KCNT1: variants seen among roughly 807,000 people sequenced by gnomAD.
KCNT1 encodes the protein potassium channel subfamily T member 1.
KCNT1 carries 78 observed loss-of-function variants against 147.8 expected under a neutral mutation model. The observed-to-expected ratio is 0.53, with a 90% CI of 0.44 to 0.64. KCNT1 has a LOEUF of 0.64. KCNT1 is among the 30% of genes least tolerant of loss of function. The pLI is 0.00. For missense variants in KCNT1, 1,419 were observed against 1,750.3 expected (o/e 0.81, Z 3.38); for synonymous variants, 867 against 748.8 (o/e 1.16, Z -2.58).
intron 11 of KCNT1, among the ~76,000 whole-genome samples, chr9:135,761,094 C>G (rs1213717098): frequency 6.6e-6 from 1 of 152,028 alleles, no homozygotes; most frequent in Non-Finnish European, 1.5e-5. Flanking sequence ...CCTCGAACTC[C>G]TGGGCTCAAG....
intron 12 of KCNT1, 132 bp downstream of exon 12, chr9:135,765,327 C>A: frequency 1.2e-6 from 1 of 829,230 alleles, no homozygotes; most frequent in Non-Finnish European, 1.9e-6. Context: ...AGGGCAGATG[C>A]CTCCCTCCCG....
chr9:135,771,524 C>T (rs1031086481), intron 18 of KCNT1, among the ~76,000 whole-genome samples: 2 of 152,242 alleles, frequency 1.3e-5, no homozygotes, highest in East Asian at 1.9e-4. Flanking sequence ...GCAGCTCAAC[C>T]GGAGGCTCCT....
chr9:135,731,960 G>GGATA (rs1554766096), intron 2 of KCNT1, among the ~76,000 whole-genome samples: 17 of 41,420 alleles, frequency 4.1e-4, no homozygotes, highest in African/African-American at 1.4e-3. Flanking sequence ...AAATATGCGT[G>GGATA]TATATATATA....
intron 14 of KCNT1, 34 bp from the exon 15 acceptor site, chr9:135,768,795 C>T: frequency 1.3e-6 from 2 of 1,576,474 alleles, no homozygotes; most frequent in Non-Finnish European, 1.7e-6. Flanking sequence ...CAGAGGCCAG[C>T]CCGTCTGCAC....
chr9:135,765,142 A>G lies in KCNT1; in HGVS notation c.1147A>G (p.Ile383Val), dbSNP rs897661213. 1.9e-6 allele frequency: 3 copies of G among 1,613,262 alleles called. No individual in the cohort carries two copies. The highest frequency in any genetic ancestry group is 2.5e-6 in the Non-Finnish European group (3 of 1,179,898). ...GGTCCTGTGTGTCAGCTCCCTCAAG[A>G]TCGACCTTCTCATGGACTTCCTGAA... The part of the protein sequence containing the change: ...HVVLCVSSLK[I>V]DLLMDFLNEF... The change falls in exon 12 of 31, where the codon ATC becomes GTC. Residue 383 changes from isoleucine to valine, a missense_variant. Ile to Val is a conservative substitution (Grantham distance 29). Around this residue, in one of 5 missense-constraint regions of KCNT1, gnomAD observed 401 missense variants for 610.6 expected, o/e 0.66. Coordinates refer to ENST00000371757, the MANE Select transcript of KCNT1 (RefSeq NM_020822.3).
At position 135,765,039 on chromosome 9, in the gene KCNT1, G is replaced by A. The variant is rs1832160804; in HGVS notation, c.1044G>A (p.Glu348=). Residue 348 remains glutamate, a synonymous_variant, in exon 12 of 31, where the codon GAG becomes GAA. Coordinates refer to ENST00000371757, the MANE Select transcript of KCNT1 (RefSeq NM_020822.3). ...ALVVLPLQFE[E]LVYLWMERQK... is the part of the protein sequence containing the mutation. ...CTGTTTCTCACCTGCAGTTCGAGGA[G>A]CTCGTCTACCTCTGGATGGAGCGGC... is the stretch of plus-strand genomic sequence containing the variant. The A allele has an allele frequency of 6.2e-7, 1 of 1,606,618 alleles. No individual in the cohort carries two copies. The highest frequency in any genetic ancestry group is 2.2e-5 in the East Asian group (1 of 44,688).
rs572962121 is a variant in KCNT1 at position 135,791,469 on chromosome 9, AGGTGTGCGCT to A, written c.3503-321_3503-312del. 5.5e-4 allele frequency: 175 copies of A among 318,446 alleles called. 1 individual carries two copies. The highest frequency in any genetic ancestry group is 2.0e-3 in the South Asian group (48 of 23,782). The allele number at this position is 318,446 out of a possible 1,614,324, so 19.7% of individuals were successfully genotyped here. On this transcript the variant is annotated intron_variant, in intron 29 of 30. Coordinates refer to ENST00000371757, the MANE Select transcript of KCNT1 (RefSeq NM_020822.3). ...GTGTCTGCAGGCTGACGTACGTGGCAGGTGTGCGCTGGTGTGTGCAGGTGTGCTCAGTGCC... is the reference window on the plus strand; with the variant it reads ...GTGTCTGCAGGCTGACGTACGTGGCAGGTGTGTGCAGGTGTGCTCAGTGCC...
chr9:135,770,902 C>T lies in KCNT1; in HGVS notation c.1815C>T (p.Ser605=), dbSNP rs113201678. 3.1e-6 allele frequency: 5 copies of T among 1,603,506 alleles called. No individual in the cohort carries two copies. Among genetic ancestry groups the T allele is most frequent in the East Asian group, 2.2e-5 (1 of 44,472 alleles). ...LIGLKREDNK[S]ILLNPGPRHI... ...GGCTGAAGCGGGAGGACAACAAGAG[C>T]ATCCTGCTGAACCCGGGGCCCCGGC... The change falls in exon 18 of 31, where the codon AGC becomes AGT. Residue 605 remains serine, a synonymous_variant. Coordinates refer to ENST00000371757, the MANE Select transcript of KCNT1 (RefSeq NM_020822.3).
chr9:135,794,357 G>C lies in KCNT1; in HGVS notation c.*2196G>C, dbSNP rs1221192440. 6.6e-6 allele frequency: 1 copy of C among 152,524 alleles called. No individual in the cohort carries two copies. Among genetic ancestry groups the C allele is most frequent in the African/African-American group, 2.4e-5 (1 of 41,598 alleles). 9.4% of individuals were successfully genotyped at this position (152,524 alleles called of 1,614,324 possible). On this transcript the variant is annotated 3_prime_UTR_variant, in exon 31 of 31. Coordinates refer to ENST00000371757, the MANE Select transcript of KCNT1 (RefSeq NM_020822.3). ...AGAGGGCTGAAGGCTTGCTGCCCAA[G>C]AGGGGCTGGGTGAGCACTTGGGGCC...
rs143780942 is a variant in KCNT1 at position 135,784,592 on chromosome 9, A to G, written c.3001A>G (p.Thr1001Ala). Residue 1001 changes from threonine (T) to alanine (A), a missense_variant, in exon 26 of 31, where the codon ACG becomes GCG. Thr to Ala is a moderately conservative substitution (Grantham distance 58). Around this residue, in one of 5 missense-constraint regions of KCNT1, gnomAD observed 247 missense variants for 397.1 expected, o/e 0.62. Transcript: ENST00000371757. ...ITRLLLGLDT[T>A]PGSGYLCAMK... Reference sequence around the variant, plus strand: ...CCGGCTGCTGCTGGGCCTGGACACCACGCCGGGCTCGGGGTACCTCTGTGC... The same window carrying G: ...CCGGCTGCTGCTGGGCCTGGACACCGCGCCGGGCTCGGGGTACCTCTGTGC... 330 of 1,573,766 alleles carry G rather than the reference A, an allele frequency of 2.1e-4. No homozygotes were observed. The highest frequency in any genetic ancestry group is 1.9e-4 in the Non-Finnish European group (224 of 1,158,818).
intron 26 of KCNT1, 31 bp from the exon 27 acceptor site, chr9:135,784,730 C>T (rs750741195): frequency 1.2e-6 from 2 of 1,610,352 alleles, no homozygotes; most frequent in Non-Finnish European, 1.7e-6. Context: ...CTGCCACCTG[C>T]CCCAGCCAAC....
intron 24 of KCNT1, among the ~76,000 whole-genome samples, chr9:135,782,272 C>A (rs911479808): frequency 6.6e-6 from 1 of 152,210 alleles, no homozygotes; most frequent in Admixed American, 6.5e-5. Context: ...TGCATCTCCC[C>A]TTGAGGGCTG....
rs1383981222 is a variant in KCNT1, at chr9:135,768,619, T to A, written c.1347T>A (p.Asn449Lys). Residue 449 changes from asparagine to lysine, a missense_variant, in exon 14 of 31, where the codon AAT (asparagine) becomes AAA (lysine). This residue lies in a region of KCNT1 where 401 missense variants were observed against 610.6 expected (regional missense o/e 0.66). Coordinates refer to ENST00000371757, the MANE Select transcript of KCNT1 (RefSeq NM_020822.3). ...DQDLMRAKMD[N>K]GEACFILSSR... ...CCCTGGTGCATTGCAGGATGGACAA[T>A]GGGGAGGCCTGCTTCATCCTCAGCA... is the stretch of plus-strand genomic sequence containing the variant. 1.9e-6 allele frequency: 3 copies of A among 1,550,022 alleles called. No individual in the cohort carries two copies. Among genetic ancestry groups the A allele is most frequent in the Non-Finnish European group, 2.6e-6 (3 of 1,146,744 alleles).
At chr9:135,708,323 G>A (rs1055131665) in intron 1 of KCNT1, among the ~76,000 whole-genome samples, 9 of 152,184 alleles carry the variant, frequency 5.9e-5, no homozygotes, top group African/African-American at 2.2e-4. Flanking sequence ...ATCCACACAT[G>A]CATGCACATA....
Position 135,723,972 on chromosome 9 carries a change from T to G in KCNT1, c.254+9252T>G, listed in dbSNP as rs574786407. Among the ~76,000 whole-genome samples the G allele has an allele frequency of 3.9e-5, 6 of 152,318 alleles. No individual in the cohort carries two copies. The South Asian group carries it at 1.2e-3, about 32-fold the overall frequency. ...TGGGCTGGGGAGGCCCAGGTATCCC[T>G]GCCACCTTCACTCTGAGCCCGTCTC... On this transcript the variant is annotated intron_variant, in intron 2 of 30. Coordinates refer to ENST00000371757, the MANE Select transcript of KCNT1 (RefSeq NM_020822.3).
At chr9:135,742,551 C>T (rs1012601110) in intron 2 of KCNT1, among the ~76,000 whole-genome samples, 23 of 152,222 alleles carry the variant, frequency 1.5e-4, no homozygotes, top group African/African-American at 5.1e-4. Context: ...TGGCTCTGCA[C>T]ATGGACTGCC....
intron 4 of KCNT1, 117 bp from the exon 5 acceptor site, chr9:135,753,820 C>T: frequency 9.8e-7 from 1 of 1,020,462 alleles, no homozygotes; most frequent in South Asian, 1.3e-5. Context: ...GGGGTTAGCC[C>T]CGGGTGGGTG....
Position 135,771,012 on chromosome 9 carries a change from A to C in KCNT1, c.1925A>C (p.Lys642Thr), listed in dbSNP as rs146733790. The change falls in exon 18 of 31, where the codon AAG becomes ACG. Residue 642 changes from lysine (K) to threonine (T), a missense_variant. By Grantham distance (78) the Lys-to-Thr change is moderately conservative. Coordinates refer to ENST00000371757, the MANE Select transcript of KCNT1 (RefSeq NM_020822.3). ...GCCTTCATCTTCAAGCAGGAGGAGAAGCGGAAGAAGAGGGCCTTCTCGGGG... is the reference window on the plus strand; with the variant it reads ...GCCTTCATCTTCAAGCAGGAGGAGACGCGGAAGAAGAGGGCCTTCTCGGGG... ...NSAFIFKQEE[K>T]RKKRAFSGQG... 3.7e-6 allele frequency: 6 copies of C among 1,613,644 alleles called. No individual in the cohort carries two copies. The highest frequency in any genetic ancestry group is 5.1e-6 in the Non-Finnish European group (6 of 1,179,858).
At chr9:135,754,588 G>A (rs761231438) in intron 5 of KCNT1, among the ~76,000 whole-genome samples, 3 of 152,228 alleles carry the variant, frequency 2.0e-5, no homozygotes, top group African/African-American at 4.8e-5. Flanking sequence ...TCCGCATCAG[G>A]CAAGGAGCAG....
Sources: gnomAD v4.1 joint callset for allele counts (sites outside exome capture counted in the v4.1 genomes callset) on GRCh38, gnomAD v4.1.1 for gene constraint, gnomAD v4.1.1 regional missense constraint, MANE v1.5 for transcripts, NCBI Gene and HGNC (gene_info 2026-07-23, HGNC 2026-07-21) for gene names.